The following PCBP3 variants were observed in gnomAD, a reference collection of about 807,000 sequenced individuals.
The protein encoded by PCBP3 is poly(rC)-binding protein 3.
Under a neutral mutation model 52.7 loss-of-function variants are expected in PCBP3, and 25 were observed. The observed-to-expected ratio is 0.47, with a 90% CI of 0.35 to 0.66. The LOEUF (loss-of-function observed/expected upper bound fraction) is 0.66, where lower values mean the gene tolerates loss of function less well. Ranked by LOEUF, PCBP3 falls within the 30% of genes least tolerant of loss-of-function variation. The pLI, the probability that PCBP3 is intolerant of heterozygous loss-of-function variation, is 0.01. For missense variants in PCBP3, 391 were observed against 490.3 expected (o/e 0.80, Z 1.91); for synonymous variants, 162 against 183.0 (o/e 0.89, Z 0.93).
intron 5 of PCBP3, among the ~76,000 whole-genome samples, chr21:45,856,740 T>A (rs540258020): frequency 6.6e-6 from 1 of 152,240 alleles, no homozygotes; most frequent in Non-Finnish European, 1.5e-5. Context: ...CCATGGCCTG[T>A]GACGCAGCCC....
intron 15 of PCBP3, 99 bp from the exon 16 acceptor site, chr21:45,935,154 G>T: frequency 1.2e-6 from 1 of 809,996 alleles, no homozygotes; most frequent in Non-Finnish European, 2.1e-6. Flanking sequence ...CAGCTCTACA[G>T]CCCTGTCTCA....
intron 4 of PCBP3, among the ~76,000 whole-genome samples, chr21:45,824,337 T>G (rs935478976): frequency 6.6e-6 from 1 of 152,202 alleles, no homozygotes; most frequent in Non-Finnish European, 1.5e-5. Flanking sequence ...CATTCCCTTC[T>G]TTTTCTACAT....
intron 6 of PCBP3, among the ~76,000 whole-genome samples, chr21:45,896,798 C>G (rs2093757569): frequency 6.7e-6 from 1 of 149,368 alleles, no homozygotes; most frequent in Non-Finnish European, 1.5e-5. Context: ...GCCATTGTCT[C>G]TGTAGGAAAG....
intron 4 of PCBP3, among the ~76,000 whole-genome samples, chr21:45,823,626 G>A (rs1385041716): frequency 4.6e-5 from 7 of 152,142 alleles, no homozygotes; most frequent in African/African-American, 1.7e-4. Context: ...TGGCCGACGG[G>A]TTCCTGCAGG....
chr21:45,911,387 C>G, intron 11 of PCBP3: 1 of 188,734 alleles, frequency 5.3e-6, no homozygotes. Flanking sequence ...GGAGTCAGGC[C>G]TTGGGGGGCA....
At chr21:45,795,447 G>T (rs977448829) in intron 4 of PCBP3, among the ~76,000 whole-genome samples, 5 of 151,528 alleles carry the variant, frequency 3.3e-5, no homozygotes, top group African/African-American at 1.2e-4. Flanking sequence ...ATCATAAAGT[G>T]CAGTAAAAGT....
chr21:45,851,510 A>T (rs969469985), intron 5 of PCBP3, among the ~76,000 whole-genome samples: 10 of 151,964 alleles, frequency 6.6e-5, no homozygotes, highest in African/African-American at 2.2e-4. Flanking sequence ...AGATTGTCTT[A>T]AAAAAAAGAA....
chr21:45,886,578 C>T (rs13048273), intron 5 of PCBP3, among the ~76,000 whole-genome samples: 8,315 of 132,472 alleles, frequency 0.063, 291 homozygotes, highest in Middle Eastern at 0.083. Flanking sequence ...GCCTCATTGC[C>T]GCTGGTACCA....
In PCBP3 at chr21:45,940,070, A is replaced by G. The variant is rs367563537; in HGVS notation, c.950A>G (p.Asn317Ser). 22 of 1,614,140 alleles carry G rather than the reference A, an allele frequency of 1.4e-5. No homozygotes were observed. Among genetic ancestry groups the G allele is most frequent in the Non-Finnish European group, 1.8e-5 (21 of 1,179,988 alleles). The part of the protein sequence containing the change: ...CIIGRQGTKI[N>S]EIRQMSGAQI... ...ATTGGACGCCAAGGGACCAAAATCA[A>G]TGAAATTCGACAGATGTCTGGAGCT... is the stretch of plus-strand genomic sequence containing the variant. Residue 317 changes from asparagine to serine, a missense_variant, in exon 17 of 18, where the codon AAT becomes AGT. Asn to Ser is a conservative substitution (Grantham distance 46). Transcript: ENST00000681687.
At chr21:45,894,611 G>A (rs1433591354) in intron 5 of PCBP3, among the ~76,000 whole-genome samples, 1 of 152,246 alleles carries the variant, frequency 6.6e-6, no homozygotes, top group Non-Finnish European at 1.5e-5. Flanking sequence ...AATGGTGTGA[G>A]CTGTGCTGTC....
At chr21:45,675,455 G>A (rs1203256348) in intron 2 of PCBP3, among the ~76,000 whole-genome samples, 1 of 152,238 alleles carries the variant, frequency 6.6e-6, no homozygotes, top group Non-Finnish European at 1.5e-5. Context: ...TATGAAGCCG[G>A]AAGGGAGCTT....
At chr21:45,671,104 A>G (rs999313207) in intron 2 of PCBP3, among the ~76,000 whole-genome samples, 4 of 152,194 alleles carry the variant, frequency 2.6e-5, no homozygotes, top group Admixed American at 6.5e-5. Context: ...TTCTATCTAG[A>G]TGCAGGCATG....
intron 3 of PCBP3, among the ~76,000 whole-genome samples, chr21:45,747,559 A>G (rs1203022871): frequency 1.3e-5 from 2 of 152,188 alleles, no homozygotes; most frequent in African/African-American, 4.8e-5. Flanking sequence ...GATGGGCAGC[A>G]CTATTTCACT....
At chr21:45,866,950 A>G (rs2094758149) in intron 5 of PCBP3, among the ~76,000 whole-genome samples, 1 of 152,240 alleles carries the variant, frequency 6.6e-6, no homozygotes, top group Non-Finnish European at 1.5e-5. Context: ...CGGCAGGAGT[A>G]ATTAACACAG....
intron 13 of PCBP3, among the ~76,000 whole-genome samples, chr21:45,926,111 T>C (rs971270695): frequency 3.9e-5 from 6 of 152,236 alleles, no homozygotes; most frequent in Admixed American, 2.6e-4. Flanking sequence ...ATTGCAGTCA[T>C]GCACCACATG....
At chr21:45,933,978 G>A (rs577677437) in intron 15 of PCBP3, among the ~76,000 whole-genome samples, 5 of 152,282 alleles carry the variant, frequency 3.3e-5, no homozygotes, top group South Asian at 2.1e-4. Flanking sequence ...CACAGGAGGC[G>A]CCGTGAGGAA....
At chr21:45,673,145 T>C (rs1329602653) in intron 2 of PCBP3, among the ~76,000 whole-genome samples, 1 of 152,252 alleles carries the variant, frequency 6.6e-6, no homozygotes, top group Non-Finnish European at 1.5e-5. Context: ...TCTGTGTTAA[T>C]TTATTTCTGT....
chr21:45,833,264 TA>T (rs2093498354), intron 4 of PCBP3, among the ~76,000 whole-genome samples: 2 of 152,240 alleles, frequency 1.3e-5, no homozygotes, highest in African/African-American at 4.8e-5. Flanking sequence ...CATCAATATG[TA>T]GCATTTTTAT....
At chr21:45,702,410 T>G (rs1225288227) in intron 2 of PCBP3, among the ~76,000 whole-genome samples, 3 of 152,102 alleles carry the variant, frequency 2.0e-5, no homozygotes, top group African/African-American at 7.2e-5. Flanking sequence ...TATAGGCAAA[T>G]CTCGGAGCTA....
Sources: allele counts gnomAD v4.1 joint callset (sites outside exome capture counted in the v4.1 genomes callset), GRCh38; gene constraint gnomAD v4.1.1; transcripts MANE v1.5; gene names NCBI Gene and HGNC (gene_info 2026-07-23, HGNC 2026-07-21).